EPHA2: variants seen among roughly 807,000 people sequenced by gnomAD.
EPHA2 encodes the protein ephrin type-A receptor 2.
EPHA2 carries 54 observed loss-of-function variants against 104.9 expected under a neutral mutation model. That is an observed-to-expected ratio of 0.51 (90% CI 0.41 to 0.65). The LOEUF (loss-of-function observed/expected upper bound fraction) is 0.65, where lower values mean the gene tolerates loss of function less well. Among genes scored for constraint, EPHA2 ranks in the 30% least tolerant of loss-of-function variants. The pLI is 0.00. For synonymous variants in EPHA2, 560 were observed against 559.1 expected (o/e 1.00, Z -0.02); for missense variants, 1,117 against 1,369.5 (o/e 0.82, Z 2.91).
At chr1:16,155,159 T>C (rs1383812817) in intron 1 of EPHA2, 1 of 152,322 alleles carries the variant, frequency 6.6e-6, no homozygotes, top group African/African-American at 2.4e-5. Flanking sequence ...ACCTGCCGCA[T>C]TTCCTCGTTC....
intron 3 of EPHA2, among the ~76,000 whole-genome samples, chr1:16,141,270 C>T (rs928221135): frequency 2.0e-5 from 3 of 152,186 alleles, no homozygotes. Context: ...GTGTAGACTC[C>T]AGCCCAGGGG....
At position 16,133,564 on chromosome 1, in the gene EPHA2, T is replaced by A. The variant is rs781721378; in HGVS notation, c.1781A>T (p.Tyr594Phe). Residue 594 changes from tyrosine to phenylalanine, a missense_variant, in exon 10 of 17, where the codon TAT (tyrosine) becomes TTT (phenylalanine). Tyr to Phe is a conservative substitution (Grantham distance 22). Transcript: ENST00000358432. Reference protein sequence around the residue: ...PLKTYVDPHTYEDPNQAVLKF... With the variant: ...PLKTYVDPHTFEDPNQAVLKF... ...CAACACAGCCTGGTTGGGGTCCTCA[T>A]ATGTGTGGGGGTCCACGTATGTCTT... The A allele has an allele frequency of 6.2e-7, 1 of 1,614,052 alleles. No individual in the cohort carries two copies. The highest frequency in any genetic ancestry group is 2.2e-5 in the East Asian group (1 of 44,880).
chr1:16,151,250 C>G (rs1471537538), intron 1 of EPHA2, among the ~76,000 whole-genome samples: 1 of 152,194 alleles, frequency 6.6e-6, no homozygotes, highest in Non-Finnish European at 1.5e-5. Flanking sequence ...CCGTTAGTCC[C>G]CAGCTGGGCA....
rs377158184 is a variant in EPHA2, at chr1:16,148,484, C to T, written c.717G>A (p.Gly239=). The change falls in exon 3 of 17, where the codon GGG becomes GGA. Residue 239 remains glycine (G), a synonymous_variant. Coordinates refer to ENST00000358432, the MANE Select transcript of EPHA2 (RefSeq NM_004431.5). The surrounding 1 kb of genome is among the most constrained non-coding windows in gnomAD (Gnocchi z 4.9). ...CACAGTGCATACGGGGCTCTTCACC[C>T]CCCGGTGGCACCACGGCATGGTCCA... ...TCVDHAVVPP[G]GEEPRMHCAV... 282 of 1,613,748 alleles carry T rather than the reference C, an allele frequency of 1.7e-4. No homozygotes were observed. The highest frequency in any genetic ancestry group is 2.3e-4 in the Non-Finnish European group (277 of 1,180,034).
intron 1 of EPHA2, among the ~76,000 whole-genome samples, chr1:16,151,368 A>AG (rs2025033691): frequency 6.6e-6 from 1 of 152,178 alleles, no homozygotes; most frequent in African/African-American, 2.4e-5. Context: ...TCCTTGAACA[A>AG]GGCCCTTTGG....
rs2024555920 is a variant in EPHA2 at position 16,130,655 on chromosome 1, G to T, written c.2476-236C>A. On this transcript the variant is annotated intron_variant, in intron 14 of 16. Transcript: ENST00000358432. This position sits in a 1 kb window ranked among gnomAD's most constrained non-coding sequence, Gnocchi z 4.5. ...ACTTTTTTTTTTTTGACTGAGACAG[G>T]GTCTCAGTCTGTCACCCAGGCTAGA... is the stretch of plus-strand genomic sequence containing the variant. 6.6e-6 allele frequency among the ~76,000 whole-genome samples: 1 copy of T among 151,580 alleles called. No homozygotes were observed. The highest frequency in any genetic ancestry group is 1.5e-5 in the Non-Finnish European group (1 of 67,896).
chr1:16,153,231 A>C (rs1007715279), intron 1 of EPHA2: 2 of 985,202 alleles, frequency 2.0e-6, no homozygotes, highest in African/African-American at 3.5e-5. Flanking sequence ...CCACAAATGC[A>C]GGACTGCCAC....
rs771641553 is a variant in EPHA2 at position 16,135,757 on chromosome 1, C to T, written c.1326G>A (p.Val442=). 1.1e-5 allele frequency: 17 copies of T among 1,612,618 alleles called. No homozygotes were observed. In the East Asian group the frequency reaches 3.6e-4, roughly 34 times the overall value. ...AGGTGGTGCTGCGGCCCTCCAGCCT[C>T]ACCTTGGGGGGCTCTGGGCAGGACA... The part of the protein sequence containing the change: ...VSINQTEPPK[V]RLEGRSTTSL... Residue 442 remains valine, a synonymous_variant, in exon 6 of 17, where the codon GTG becomes GTA. Coordinates refer to ENST00000358432, the MANE Select transcript of EPHA2 (RefSeq NM_004431.5). The surrounding 1 kb of genome is among the most constrained non-coding windows in gnomAD (Gnocchi z 4.3).
At chr1:16,136,710 AGAAAAGAAGAAG>A (rs1234979091) in intron 5 of EPHA2, among the ~76,000 whole-genome samples, 22 of 91,506 alleles carry the variant, frequency 2.4e-4, no homozygotes, top group South Asian at 3.3e-4. Context: ...AAGAAGAAGA[AGAAAAGAAGAAG>A]AAGAAGAAGA....
intron 3 of EPHA2, among the ~76,000 whole-genome samples, chr1:16,145,613 C>A (rs1373124849): frequency 6.6e-6 from 1 of 152,096 alleles, no homozygotes. Context: ...GTGCCTCCCT[C>A]TGGTTCTCCC....
In EPHA2 at chr1:16,133,470, G is replaced by A. The variant is rs2024617840; in HGVS notation, c.1864+11C>T. 7 of 1,614,074 alleles carry A rather than the reference G, an allele frequency of 4.3e-6. No homozygotes were observed. Among genetic ancestry groups the A allele is most frequent in the Non-Finnish European group, 5.9e-6 (7 of 1,179,974 alleles). Reference sequence around the variant, plus strand: ...CCTCCTCAGGGCCCCTTGGCAGGGGGCCAACCTCACCTGCTCCGATCACCT... The same window carrying A: ...CCTCCTCAGGGCCCCTTGGCAGGGGACCAACCTCACCTGCTCCGATCACCT... On this transcript the variant is annotated intron_variant, in intron 10 of 16. Transcript: ENST00000358432.
intron 16 of EPHA2, among the ~76,000 whole-genome samples, chr1:16,127,187 A>T (rs1338222585): frequency 6.6e-6 from 1 of 152,122 alleles, no homozygotes; most frequent in Non-Finnish European, 1.5e-5. Flanking sequence ...GTGTCAGATC[A>T]TTCATTCATT....
In EPHA2 at chr1:16,135,891, G is replaced by A; in HGVS notation, c.1313-121C>T. On this transcript the variant is annotated intron_variant, in intron 5 of 16. Transcript: ENST00000358432. The surrounding 1 kb of genome is among the most constrained non-coding windows in gnomAD (Gnocchi z 4.3). ...AGCCCAGATTCTTTCATTTTTTTGA[G>A]ACAGGATCTCGCTCTCTCACCCAGG... The A allele has an allele frequency of 1.6e-6, 1 of 628,872 alleles. No homozygotes were observed. The highest frequency in any genetic ancestry group is 2.9e-6 in the Non-Finnish European group (1 of 345,658). The allele number at this position is 628,872 out of a possible 1,614,324, so 39.0% of individuals were successfully genotyped here. A position where few individuals can be genotyped will look rare whatever the true frequency, so the allele number is the denominator to read the frequency against.
Position 16,155,986 on chromosome 1 carries a change from G to T in EPHA2, c.-54C>A, listed in dbSNP as rs998773077. ...CCCCGAGCCCGGCTCCCGCACACCC[G>T]CACGCCTGCACGCCGGCCTCGGTGT... is the stretch of plus-strand genomic sequence containing the variant. On this transcript the variant is annotated 5_prime_UTR_variant, in exon 1 of 17. Transcript: ENST00000358432. 1 of 1,374,502 alleles carries T rather than the reference G, an allele frequency of 7.3e-7. No individual in the cohort carries two copies. Among genetic ancestry groups the T allele is most frequent in the Non-Finnish European group, 9.5e-7 (1 of 1,054,836 alleles). 85.1% of individuals were successfully genotyped at this position (1,374,502 alleles called of 1,614,324 possible). A position where few individuals can be genotyped will look rare whatever the true frequency, so the allele number is the denominator to read the frequency against.
chr1:16,137,723 C>G lies in EPHA2; in HGVS notation c.1312+130G>C, dbSNP rs575185538. ...GGCCCACGGGTTGGACAAGCTTGCT[C>G]TAGACACTGTGCCTTTAACCACTTG... On this transcript the variant is annotated intron_variant, in intron 5 of 16. Transcript: ENST00000358432. 2.6e-5 allele frequency: 29 copies of G among 1,132,896 alleles called. 1 individual carries two copies. The Middle Eastern group carries it at 8.2e-4, about 32-fold the overall frequency. The allele number at this position is 1,132,896 out of a possible 1,614,324, so 70.2% of individuals were successfully genotyped here.
Position 16,134,373 on chromosome 1 carries a change from C to T in EPHA2, c.1682+95G>A. On this transcript the variant is annotated intron_variant, in intron 8 of 16. Transcript: ENST00000358432. The surrounding 1 kb of genome is among the most constrained non-coding windows in gnomAD (Gnocchi z 4.5). ...GGCAGGGATTAGACTCGACTAGCAT[C>T]CTGTGGGCCCCATCGTTCAGATGAG... The T allele has an allele frequency of 7.7e-7, 1 of 1,297,460 alleles. No homozygotes were observed. Among genetic ancestry groups the T allele is most frequent in the Non-Finnish European group, 1.1e-6 (1 of 907,732 alleles). The allele number at this position is 1,297,460 out of a possible 1,614,324, so 80.4% of individuals were successfully genotyped here.
chr1:16,131,689 C>T lies in EPHA2; in HGVS notation c.2475+32G>A, dbSNP rs538758644. 4.2e-5 allele frequency: 67 copies of T among 1,613,584 alleles called. No individual in the cohort carries two copies. The African/African-American group carries it at 4.5e-4, about 11-fold the overall frequency. On this transcript the variant is annotated intron_variant, in intron 14 of 16. Transcript: ENST00000358432. The surrounding 1 kb of genome is among the most constrained non-coding windows in gnomAD (Gnocchi z 5.2). ...TGAGTAAAGGGCTTGAGTTCAGGTC[C>T]GGACAGGCCTGGGGAGGGCAAGGGC...
intron 3 of EPHA2, 120 bp from the exon 4 acceptor site, chr1:16,138,550 T>C (rs2024764607): frequency 1.4e-6 from 2 of 1,433,468 alleles, no homozygotes; most frequent in South Asian, 1.2e-5. Context: ...TAAATCTCTA[T>C]GGACCTGTTT....
chr1:16,133,023 T>C, intron 11 of EPHA2, 157 bp downstream of exon 11: 1 of 974,300 alleles, frequency 1.0e-6, no homozygotes, highest in Non-Finnish European at 1.5e-6. Flanking sequence ...AGGAGGTGGG[T>C]ACAGGTATTG....
Sources: allele counts gnomAD v4.1 joint callset (sites outside exome capture counted in the v4.1 genomes callset), GRCh38; gene constraint gnomAD v4.1.1; non-coding constraint Gnocchi (gnomAD v3.1); transcripts MANE v1.5; gene names NCBI Gene and HGNC (gene_info 2026-07-23, HGNC 2026-07-21).